Variants in ARHGEF28 observed in about 807,000 individuals in gnomAD.
The protein encoded by ARHGEF28 is Rho guanine nucleotide exchange factor 28, also known as 190 kDa guanine nucleotide exchange factor.
Under a neutral mutation model 206.6 loss-of-function variants are expected in ARHGEF28, and 152 were observed. The observed-to-expected ratio is 0.74, with a 90% confidence interval of 0.64 to 0.84. The LOEUF (loss-of-function observed/expected upper bound fraction) is 0.84. Among genes scored for constraint, ARHGEF28 ranks in the 40% least tolerant of loss-of-function variants. The probability of loss-of-function intolerance (pLI) is 0.00; values close to 1 mark genes in which losing one functional copy is unlikely to be tolerated. For missense variants in ARHGEF28, 2,028 were observed against 2,073.2 expected, an observed-to-expected ratio of 0.98 and a Z score of 0.42; for synonymous variants, 763 against 776.4, an observed-to-expected ratio of 0.98 and a Z score of 0.29.
At position 73,813,395 on chromosome 5, in the gene ARHGEF28, C is replaced by T. The variant is rs1354370780; in HGVS notation, c.1024+18004C>T. The T allele has an allele frequency of 6.2e-6, 7 of 1,137,208 alleles. No individual in the cohort carries two copies. In the Admixed American group the frequency reaches 9.2e-5, roughly 15 times the overall value. The allele number at this position is 1,137,208 out of a possible 1,614,324, so 70.4% of individuals were successfully genotyped here. ...GCTTTAATATTTACAGCCTCCTTGTCGGTCTACACGCCTGAATGCCCGAAG... is the reference window on the plus strand; with the variant it reads ...GCTTTAATATTTACAGCCTCCTTGTTGGTCTACACGCCTGAATGCCCGAAG... On this transcript the variant is annotated intron_variant, in intron 9 of 35. Coordinates refer to ENST00000513042, the MANE Select transcript of ARHGEF28 (RefSeq NM_001177693.2).
intron 6 of ARHGEF28, among the ~76,000 whole-genome samples, chr5:73,777,311 A>G (rs1753597385): frequency 6.6e-6 from 1 of 152,044 alleles, no homozygotes; most frequent in Non-Finnish European, 1.5e-5. Context: ...AATTATGATT[A>G]ATCAAGGTGT....
intron 18 of ARHGEF28, among the ~76,000 whole-genome samples, chr5:73,867,563 G>A (rs1390204033): frequency 1.3e-5 from 2 of 152,196 alleles, no homozygotes; most frequent in Non-Finnish European, 2.9e-5. Context: ...AGGAGTACAA[G>A]CAGTGATTTA....
chr5:73,631,064 G>T (rs1311278854), intron 1 of ARHGEF28, among the ~76,000 whole-genome samples: 1 of 152,144 alleles, frequency 6.6e-6, no homozygotes, highest in Non-Finnish European at 1.5e-5. Flanking sequence ...CCATATGGCT[G>T]CCCTAGTCCT....
chr5:73,693,166 T>G (rs1747950028), intron 2 of ARHGEF28, among the ~76,000 whole-genome samples: 2 of 152,168 alleles, frequency 1.3e-5, no homozygotes, highest in Non-Finnish European at 2.9e-5. Context: ...TAGTGGCAGA[T>G]CCCACAATAA....
chr5:73,840,441 C>T (rs1157030845), intron 10 of ARHGEF28, 39 bp from the exon 11 acceptor site: 2 of 1,592,080 alleles, frequency 1.3e-6, no homozygotes, highest in Non-Finnish European at 1.7e-6. Flanking sequence ...CCAATCTTAC[C>T]TGCTTTTACT....
intron 9 of ARHGEF28, among the ~76,000 whole-genome samples, chr5:73,824,972 A>G (rs945681089): frequency 6.6e-5 from 10 of 152,178 alleles, no homozygotes; most frequent in African/African-American, 2.4e-4. Context: ...AAAACCTCAG[A>G]ATCTGAGAAA....
At chr5:73,628,545 T>C (rs1429055584) in intron 1 of ARHGEF28, among the ~76,000 whole-genome samples, 3 of 152,232 alleles carry the variant, frequency 2.0e-5, no homozygotes, top group Admixed American at 6.5e-5. Context: ...AGGTTTTGTG[T>C]AATTGCATTT....
intron 4 of ARHGEF28, among the ~76,000 whole-genome samples, chr5:73,757,907 T>C (rs1752399670): frequency 6.6e-6 from 1 of 152,216 alleles, no homozygotes; most frequent in African/African-American, 2.4e-5. Context: ...TTGTTTGTTT[T>C]TTGAGCAGAA....
At chr5:73,850,629 A>G (rs1462898139) in intron 13 of ARHGEF28, among the ~76,000 whole-genome samples, 1 of 152,144 alleles carries the variant, frequency 6.6e-6, no homozygotes, top group African/African-American at 2.4e-5. Flanking sequence ...TCCTTGATCT[A>G]TGAAGTCAGA....
chr5:73,940,922 C>G lies in ARHGEF28; in HGVS notation c.5027C>G (p.Thr1676Arg). 6.5e-7 allele frequency: 1 copy of G among 1,534,662 alleles called. No individual in the cohort carries two copies. Among genetic ancestry groups the G allele is most frequent in the South Asian group, 1.2e-5 (1 of 83,800 alleles). The stretch of plus-strand genomic sequence containing the variant: ...CGCCCTCAACTGCAGGCGTTTATAA[C>G]AGAAGCAAAGCTAAATCTACCGACA... The part of the protein sequence containing the change: ...SHRPQLQAFI[T>R]EAKLNLPTRT... Residue 1676 changes from threonine (T) to arginine (R), a missense_variant, in exon 36 of 36, where the codon ACA becomes AGA. By Grantham distance (71) the Thr-to-Arg change is moderately conservative. This residue lies in a region of ARHGEF28 where 803 missense variants were observed against 768.0 expected (regional missense o/e 1.05). Coordinates refer to ENST00000513042, the MANE Select transcript of ARHGEF28 (RefSeq NM_001177693.2).
intron 1 of ARHGEF28, 100 bp from the exon 2 acceptor site, chr5:73,684,741 T>G: frequency 1.1e-6 from 1 of 931,838 alleles, no homozygotes; most frequent in Middle Eastern, 3.4e-4. Context: ...ATCTAATGAG[T>G]TTGCTTCTCC....
chr5:73,758,373 T>C (rs1441061938), intron 4 of ARHGEF28, among the ~76,000 whole-genome samples: 2 of 152,214 alleles, frequency 1.3e-5, no homozygotes, highest in Non-Finnish European at 2.9e-5. Context: ...ACTCAAGATA[T>C]TTTTTGCCAG....
At chr5:73,917,543 C>T (rs934577135) in intron 35 of ARHGEF28, among the ~76,000 whole-genome samples, 1 of 152,214 alleles carries the variant, frequency 6.6e-6, no homozygotes, top group African/African-American at 2.4e-5. Context: ...TCTCTGGGGG[C>T]AGGTTGGCTA....
At chr5:73,786,886 C>T (rs767129964) in intron 7 of ARHGEF28, among the ~76,000 whole-genome samples, 6 of 152,134 alleles carry the variant, frequency 3.9e-5, no homozygotes, top group Non-Finnish European at 5.9e-5. Flanking sequence ...CCATTCGTGT[C>T]GTGGTGACTA....
chr5:73,918,035 T>A (rs908921969), intron 35 of ARHGEF28, among the ~76,000 whole-genome samples: 1 of 152,184 alleles, frequency 6.6e-6, no homozygotes, highest in African/African-American at 2.4e-5. Flanking sequence ...TCTCCATGTA[T>A]CAGAATCTGG....
intron 4 of ARHGEF28, among the ~76,000 whole-genome samples, chr5:73,761,009 A>G (rs11741379): frequency 0.34 from 51,341 of 151,998 alleles, 9,626 homozygotes; most frequent in African/African-American, 0.5. Context: ...GATTCCGGTC[A>G]CTCTCTCTCC....
intron 4 of ARHGEF28, among the ~76,000 whole-genome samples, chr5:73,758,569 T>G (rs7713059): frequency 0.011 from 1,664 of 152,312 alleles, 32 homozygotes; most frequent in African/African-American, 0.038. Context: ...TTTTATTTTT[T>G]TTTTGAGACG....
chr5:73,725,068 A>AT (rs202196898), intron 2 of ARHGEF28, among the ~76,000 whole-genome samples: 2,735 of 152,010 alleles, frequency 0.018, 100 homozygotes, highest in African/African-American at 0.063. Context: ...GGTTAAAAAA[A>AT]ACCCTTAATT....
At chr5:73,897,649 T>A (rs1762031768) in intron 29 of ARHGEF28, among the ~76,000 whole-genome samples, 1 of 152,258 alleles carries the variant, frequency 6.6e-6, no homozygotes, top group Non-Finnish European at 1.5e-5. Flanking sequence ...ATTGAGTTAA[T>A]TCTCTGTCGT....
Sources: allele counts gnomAD v4.1 joint callset (sites outside exome capture counted in the v4.1 genomes callset), GRCh38; gene constraint gnomAD v4.1.1; regional missense constraint gnomAD v4.1.1; transcripts MANE v1.5; gene names NCBI Gene and HGNC (gene_info 2026-07-23, HGNC 2026-07-21).